The following ADGRL2 variants were observed in gnomAD, a reference collection of about 807,000 sequenced individuals.
ADGRL2 encodes calcium-independent alpha-latrotoxin receptor 2.
In ADGRL2, 44 loss-of-function variants were observed where a neutral mutation model predicts 157.4. The observed-to-expected ratio is 0.28, with a 90% CI of 0.22 to 0.36. The LOEUF (loss-of-function observed/expected upper bound fraction) is 0.36, where lower values mean the gene tolerates loss of function less well. ADGRL2 is among the 10% of genes least tolerant of loss of function. The pLI is 1.00. For missense variants in ADGRL2, 1,510 were observed against 1,768.9 expected, an observed-to-expected ratio of 0.85 and a Z score of 2.63; for synonymous variants, 585 against 624.7, an observed-to-expected ratio of 0.94 and a Z score of 0.95.
chr1:81,537,028 C>A lies in ADGRL2; in HGVS notation c.-247-43848C>A, dbSNP rs1570426786. On this transcript the variant is annotated intron_variant, in intron 2 of 24. Coordinates refer to the ADGRL2 transcript ENST00000370721. The stretch of plus-strand genomic sequence containing the variant: ...AGAATATTGCTATGAACTTTAAATA[C>A]AAAGACCTCCTTTATTTTTGATAAA... Among the ~76,000 whole-genome samples the A allele has an allele frequency of 2.6e-5, 4 of 152,278 alleles. No homozygotes were observed. The East Asian group carries it at 7.7e-4, about 29-fold the overall frequency.
At chr1:81,669,885 G>T (rs1323330794) in intron 3 of ADGRL2, among the ~76,000 whole-genome samples, 1 of 149,028 alleles carries the variant, frequency 6.7e-6, no homozygotes, top group Non-Finnish European at 1.5e-5. Flanking sequence ...GGAGCTTGCA[G>T]TGAGTCGAGA....
intron 2 of ADGRL2, among the ~76,000 whole-genome samples, chr1:81,561,269 A>G (rs980971428): frequency 6.6e-6 from 1 of 152,106 alleles, no homozygotes; most frequent in African/African-American, 2.4e-5. Flanking sequence ...TAAGCTCAAG[A>G]TAGTGGGATT....
intron 2 of ADGRL2, among the ~76,000 whole-genome samples, chr1:81,537,175 A>G (rs533505783): frequency 2.0e-5 from 3 of 152,262 alleles, no homozygotes; most frequent in Non-Finnish European, 4.4e-5. Flanking sequence ...GTATATTTAC[A>G]TATGCATATA....
At chr1:81,440,130 T>C (rs920704595) in intron 1 of ADGRL2, among the ~76,000 whole-genome samples, 1 of 152,126 alleles carries the variant, frequency 6.6e-6, no homozygotes, top group Non-Finnish European at 1.5e-5. Context: ...GGTAGGTATA[T>C]GTAAAATAGG....
In ADGRL2 at chr1:81,971,894, T is replaced by G; in HGVS notation, c.2997T>G (p.Ile999Met). Residue 999 changes from isoleucine (I) to methionine (M), a missense_variant, in exon 17 of 24, where the codon ATT becomes ATG. Transcript: ENST00000686636. ...HVDNYFIWSF[I>M]GPVTFIILLN... ...ATAACTACTTTATATGGAGCTTCAT[T>G]GGACCTGTTACCTTCATTATTCTGG... 1 of 1,612,032 alleles carries G rather than the reference T, an allele frequency of 6.2e-7. No homozygotes were observed. The highest frequency in any genetic ancestry group is 1.1e-5 in the South Asian group (1 of 90,910).
intron 1 of ADGRL2, among the ~76,000 whole-genome samples, chr1:81,356,147 C>T (rs899636438): frequency 6.6e-6 from 1 of 152,128 alleles, no homozygotes; most frequent in Non-Finnish European, 1.5e-5. Flanking sequence ...ACTCTCACTC[C>T]CACCTCTAAT....
At chr1:81,777,581 G>A (rs2149367964) in intron 2 of ADGRL2, among the ~76,000 whole-genome samples, 1 of 152,038 alleles carries the variant, frequency 6.6e-6, no homozygotes, top group South Asian at 2.1e-4. Flanking sequence ...GACCAGCCTG[G>A]GCAACATGGT....
chr1:81,339,383 C>A (rs1405798287), intron 1 of ADGRL2, among the ~76,000 whole-genome samples: 1 of 152,110 alleles, frequency 6.6e-6, no homozygotes, highest in Non-Finnish European at 1.5e-5. Context: ...CATACATGTG[C>A]ACACACACAC....
chr1:81,536,346 A>G (rs915579271), intron 2 of ADGRL2, among the ~76,000 whole-genome samples: 1 of 152,212 alleles, frequency 6.6e-6, no homozygotes, highest in Non-Finnish European at 1.5e-5. Context: ...GCCGTTGAAG[A>G]AAAACAAACA....
intron 3 of ADGRL2, among the ~76,000 whole-genome samples, chr1:81,635,601 A>G (rs2082100000): frequency 6.6e-6 from 1 of 152,180 alleles, no homozygotes; most frequent in South Asian, 2.1e-4. Flanking sequence ...GGCACCTTCT[A>G]GCTATGTGCT....
chr1:81,534,211 G>C (rs1252494374), intron 2 of ADGRL2, among the ~76,000 whole-genome samples: 1 of 151,558 alleles, frequency 6.6e-6, no homozygotes, highest in African/African-American at 2.4e-5. Context: ...GCTCAGGCTG[G>C]AGTGCAGTGG....
Position 81,353,528 on chromosome 1 carries a change from T to C in ADGRL2, c.-302+47019T>C, listed in dbSNP as rs1663065596. On this transcript the variant is annotated intron_variant, in intron 1 of 24. Coordinates refer to the ADGRL2 transcript ENST00000370721. The stretch of plus-strand genomic sequence containing the variant: ...TGAGAATTTCAGGGATGATGAGAGC[T>C]TTAAAGACCAAAACAAGGAATTTAG... 2.0e-5 allele frequency among the ~76,000 whole-genome samples: 3 copies of C among 152,060 alleles called. No homozygotes were observed. The South Asian group carries it at 6.2e-4, about 32-fold the overall frequency.
intron 3 of ADGRL2, among the ~76,000 whole-genome samples, chr1:81,680,627 C>G (rs939947473): frequency 5.3e-5 from 8 of 151,978 alleles, no homozygotes; most frequent in Non-Finnish European, 1.2e-4. Context: ...GTTAGCATTG[C>G]TGTTTTCTCC....
At chr1:81,527,177 C>T (rs2079479274) in intron 2 of ADGRL2, among the ~76,000 whole-genome samples, 1 of 152,176 alleles carries the variant, frequency 6.6e-6, no homozygotes, top group South Asian at 2.1e-4. Flanking sequence ...TGGTTCTGCT[C>T]TTTAGGAACC....
intron 2 of ADGRL2, among the ~76,000 whole-genome samples, chr1:81,896,400 G>A (rs2151529091): frequency 6.6e-6 from 1 of 152,254 alleles, no homozygotes; most frequent in East Asian, 1.9e-4. Context: ...ACTCTAGCAG[G>A]TCGTCAGTCA....
At position 81,979,927 on chromosome 1, in the gene ADGRL2, T is replaced by C. The variant is rs1164222419; in HGVS notation, c.3080T>C (p.Leu1027Ser). ...AAAATGGTGAAGCATTCAAACACTT[T>C]GAAACCAGATTCTAGCAGGTTGGAA... is the stretch of plus-strand genomic sequence containing the variant. ...LCKMVKHSNT[L>S]KPDSSRLENI... The change falls in exon 18 of 24, where the codon TTG (leucine) becomes TCG (serine). Residue 1027 changes from leucine to serine, a missense_variant. Physicochemically the swap from Leu to Ser is moderately radical, Grantham distance 145. Transcript: ENST00000686636. 6.2e-7 allele frequency: 1 copy of C among 1,606,710 alleles called. No homozygotes were observed. The highest frequency in any genetic ancestry group is 8.5e-7 in the Non-Finnish European group (1 of 1,174,404).
At chr1:81,620,365 G>A (rs777809640) in intron 3 of ADGRL2, among the ~76,000 whole-genome samples, 2 of 152,092 alleles carry the variant, frequency 1.3e-5, no homozygotes, top group Non-Finnish European at 2.9e-5. Flanking sequence ...TGAAGTACAT[G>A]GTTTTATGGA....
At chr1:81,782,220 T>C (rs2086843281) in intron 2 of ADGRL2, among the ~76,000 whole-genome samples, 1 of 152,190 alleles carries the variant, frequency 6.6e-6, no homozygotes, top group South Asian at 2.1e-4. Context: ...GTCCTCACAG[T>C]ATCTGATACA....
chr1:81,982,846 T>G (rs979329881), intron 19 of ADGRL2, among the ~76,000 whole-genome samples: 4 of 151,980 alleles, frequency 2.6e-5, no homozygotes, highest in African/African-American at 9.7e-5. Flanking sequence ...AAACCAACAC[T>G]GGAAGGTATT....
Sources: gnomAD v4.1 joint callset for allele counts (sites outside exome capture counted in the v4.1 genomes callset) on GRCh38, gnomAD v4.1.1 for gene constraint, MANE v1.5 for transcripts, NCBI Gene and HGNC (gene_info 2026-07-23, HGNC 2026-07-21) for gene names.